The following PARP15 variants were observed in gnomAD, a reference collection of about 807,000 sequenced individuals.
PARP15 encodes the protein poly(ADP-ribose) polymerase family member 15, also known as protein mono-ADP-ribosyltransferase PARP15.
Under a neutral mutation model 62.1 loss-of-function variants are expected in PARP15, and 50 were observed. The ratio of observed to expected loss-of-function variants is 0.81; its 90% CI spans 0.64 to 1.02. PARP15 has a LOEUF of 1.02. PARP15 is among the 50% of genes least tolerant of loss of function. PARP15 has a pLI of 0.00. For missense variants in PARP15, 820 were observed against 826.5 expected (o/e 0.99, Z 0.10); for synonymous variants, 309 against 293.1 (o/e 1.05, Z -0.55).
intron 8 of PARP15, among the ~76,000 whole-genome samples, chr3:122,622,639 A>C (rs1350428494): frequency 6.6e-6 from 1 of 152,208 alleles, no homozygotes. Context: ...CTGGGGAGAA[A>C]ATCATGAGTA....
At chr3:122,625,299 G>A (rs1178793751) in intron 8 of PARP15, among the ~76,000 whole-genome samples, 1 of 152,044 alleles carries the variant, frequency 6.6e-6, no homozygotes, top group Admixed American at 6.6e-5. Flanking sequence ...TGTCACCCAG[G>A]CTGGAGTTCA....
intron 1 of PARP15, 31 bp downstream of exon 1, chr3:122,577,884 G>T: frequency 6.6e-7 from 1 of 1,514,798 alleles, no homozygotes; most frequent in South Asian, 1.3e-5. Context: ...GTGCGGGAAG[G>T]GGACAGCAGG....
intron 1 of PARP15, among the ~76,000 whole-genome samples, chr3:122,578,822 T>C (rs2080739514): frequency 1.3e-5 from 2 of 152,208 alleles, no homozygotes; most frequent in South Asian, 4.1e-4. Context: ...TTAGGTGGTG[T>C]TGACATGGTC....
chr3:122,636,127 T>C lies in PARP15; in HGVS notation c.*27T>C, dbSNP rs1317865839. On this transcript the variant is annotated 3_prime_UTR_variant, in exon 12 of 12. Coordinates refer to ENST00000464300, the MANE Select transcript of PARP15 (RefSeq NM_001113523.3). ...AATATTTTTATCATCAAAGAGATGA[T>C]TTAAGTCATCTGTAAGAACAACATG... is the stretch of plus-strand genomic sequence containing the variant. 6.3e-7 allele frequency: 1 copy of C among 1,578,708 alleles called. No individual in the cohort carries two copies. The highest frequency in any genetic ancestry group is 8.7e-7 in the Non-Finnish European group (1 of 1,155,018).
intron 1 of PARP15, among the ~76,000 whole-genome samples, chr3:122,584,574 C>T (rs74538884): frequency 0.35 from 47,298 of 133,692 alleles, 8,649 homozygotes; most frequent in African/African-American, 0.42. Flanking sequence ...CATTTCTTTC[C>T]TTTTTTTTTT....
intron 8 of PARP15, among the ~76,000 whole-genome samples, chr3:122,624,028 C>G (rs546214256): frequency 3.9e-4 from 59 of 151,894 alleles, no homozygotes; most frequent in Non-Finnish European, 6.8e-4. Context: ...GCGGACACCT[C>G]TAGTCTCAGC....
intron 1 of PARP15, among the ~76,000 whole-genome samples, chr3:122,593,305 A>AT (rs1007208097): frequency 7.3e-5 from 11 of 151,366 alleles, no homozygotes; most frequent in African/African-American, 2.4e-4. Context: ...TGCCTGGCTA[A>AT]TTTTTTTTGC....
intron 8 of PARP15, 113 bp downstream of exon 8, chr3:122,621,724 TA>T: frequency 2.0e-6 from 2 of 1,021,764 alleles, no homozygotes; most frequent in African/African-American, 1.7e-5. Flanking sequence ...AACAATGATG[TA>T]AATCAGAGAG....
intron 1 of PARP15, among the ~76,000 whole-genome samples, chr3:122,582,785 TCTTA>T (rs1218799219): frequency 6.6e-6 from 1 of 152,182 alleles, no homozygotes; most frequent in Non-Finnish European, 1.5e-5. Context: ...GTATTAGTCC[TCTTA>T]AAGTTTTGCC....
At position 122,613,239 on chromosome 3, in the gene PARP15, G is replaced by A; in HGVS notation, c.742G>A (p.Val248Ile). The A allele has an allele frequency of 6.4e-7, 1 of 1,550,452 alleles. No homozygotes were observed. The highest frequency in any genetic ancestry group is 8.7e-7 in the Non-Finnish European group (1 of 1,145,648). ...CCCTTTACAAGAAGTCCACTTTCTGGTATATACAAATGACGATGAAGGCTG... is the reference window on the plus strand; with the variant it reads ...CCCTTTACAAGAAGTCCACTTTCTGATATATACAAATGACGATGAAGGCTG... ...TSPLQEVHFL[V>I]YTNDDEGCQA... Residue 248 changes from valine to isoleucine, a missense_variant, in exon 4 of 12, where the codon GTA becomes ATA. By Grantham distance (29) the Val-to-Ile change is conservative. This residue lies in a region of PARP15 where 731 missense variants were observed against 727.7 expected (regional missense o/e 1.00). Transcript: ENST00000464300.
At chr3:122,579,999 G>GTATATA (rs59527124) in intron 1 of PARP15, among the ~76,000 whole-genome samples, 8,073 of 62,340 alleles carry the variant, frequency 0.13, 775 homozygotes, top group Non-Finnish European at 0.17. Context: ...GCAACTATAT[G>GTATATA]TATATATATA....
At chr3:122,613,483 C>G (rs1320143458) in intron 4 of PARP15, among the ~76,000 whole-genome samples, 3 of 152,174 alleles carry the variant, frequency 2.0e-5, no homozygotes, top group African/African-American at 4.8e-5. Context: ...GTAATAAATA[C>G]ATTCTTAGAA....
At chr3:122,599,082 A>T (rs111818651) in intron 1 of PARP15, among the ~76,000 whole-genome samples, 3 of 151,950 alleles carry the variant, frequency 2.0e-5, no homozygotes, top group Non-Finnish European at 2.9e-5. Flanking sequence ...TTTTTAGTAG[A>T]GACAGGGTTT....
chr3:122,601,814 T>C (rs1934819085), intron 1 of PARP15, among the ~76,000 whole-genome samples: 1 of 152,254 alleles, frequency 6.6e-6, no homozygotes, highest in Non-Finnish European at 1.5e-5. Flanking sequence ...TGCTGAATCA[T>C]ATGGGAAGAG....
chr3:122,612,000 C>T (rs1002109164), intron 3 of PARP15, among the ~76,000 whole-genome samples: 18 of 151,940 alleles, frequency 1.2e-4, no homozygotes, highest in South Asian at 2.1e-4. Flanking sequence ...AGGTGTGAGC[C>T]ACCACAACTG....
chr3:122,593,974 C>T (rs539611214), intron 1 of PARP15, among the ~76,000 whole-genome samples: 104 of 152,270 alleles, frequency 6.8e-4, no homozygotes, highest in African/African-American at 2.3e-3. Context: ...TGTGCTTAGA[C>T]TTTTACTTAC....
intron 1 of PARP15, among the ~76,000 whole-genome samples, chr3:122,591,501 G>T (rs1376589523): frequency 6.6e-6 from 1 of 152,182 alleles, no homozygotes; most frequent in Non-Finnish European, 1.5e-5. Flanking sequence ...AGTGGCTCAC[G>T]CCTGTAATCC....
chr3:122,615,044 AAAG>A lies in PARP15; in HGVS notation c.772-732_772-730del, dbSNP rs1467364297. ...GACTCTGTCTGCAAAAAAAAAAAAA[AAAG>A]AAAAGAAAAGAAAAGAAAGAAAGAA... On this transcript the variant is annotated intron_variant, in intron 4 of 11. Coordinates refer to ENST00000464300, the MANE Select transcript of PARP15 (RefSeq NM_001113523.3). 4.1e-5 allele frequency: 39 copies of A among 958,386 alleles called. No homozygotes were observed. The African/African-American group carries it at 5.4e-4, about 13-fold the overall frequency. The allele number at this position is 958,386 out of a possible 1,614,324, so 59.4% of individuals were successfully genotyped here.
chr3:122,602,260 C>T (rs1934856358), intron 1 of PARP15, among the ~76,000 whole-genome samples: 1 of 152,118 alleles, frequency 6.6e-6, no homozygotes, highest in Non-Finnish European at 1.5e-5. Flanking sequence ...GTGCCTCTCC[C>T]AGAGGTGCCT....
Sources: allele counts gnomAD v4.1 joint callset (sites outside exome capture counted in the v4.1 genomes callset), GRCh38; gene constraint gnomAD v4.1.1; regional missense constraint gnomAD v4.1.1; transcripts MANE v1.5; gene names NCBI Gene and HGNC (gene_info 2026-07-23, HGNC 2026-07-21).